HS6ST3: variants seen among roughly 807,000 people sequenced by gnomAD.
HS6ST3 encodes the protein heparan-sulfate 6-O-sulfotransferase 3.
Under a neutral mutation model 36.7 loss-of-function variants are expected in HS6ST3, and 12 were observed. The ratio of observed to expected loss-of-function variants is 0.33; its 90% confidence interval spans 0.21 to 0.53. The LOEUF (loss-of-function observed/expected upper bound fraction) is 0.53. Among genes scored for constraint, HS6ST3 ranks in the 20% least tolerant of loss-of-function variants. The pLI is 0.95. For missense variants in HS6ST3, 584 were observed against 640.9 expected (o/e 0.91, Z 0.96); for synonymous variants, 240 against 257.5 (o/e 0.93, Z 0.65).
chr13:96,479,499 G>T (rs190117108), intron 1 of HS6ST3, among the ~76,000 whole-genome samples: 83 of 152,322 alleles, frequency 5.4e-4, no homozygotes, highest in African/African-American at 1.9e-3. Flanking sequence ...GATGACTCTG[G>T]CTGTACAGGA....
At chr13:96,383,939 A>G (rs1186589678) in intron 1 of HS6ST3, among the ~76,000 whole-genome samples, 2 of 152,194 alleles carry the variant, frequency 1.3e-5, no homozygotes, top group Non-Finnish European at 2.9e-5. Flanking sequence ...TCCATCCTCC[A>G]GAGAAGCCTG....
At chr13:96,487,622 A>G (rs372279962) in intron 1 of HS6ST3, among the ~76,000 whole-genome samples, 110 of 152,238 alleles carry the variant, frequency 7.2e-4, no homozygotes, top group African/African-American at 2.6e-3. Context: ...CATGGAGAAT[A>G]TTATACATAC....
intron 1 of HS6ST3, among the ~76,000 whole-genome samples, chr13:96,537,249 G>T (rs1159497939): frequency 6.6e-6 from 1 of 152,160 alleles, no homozygotes; most frequent in African/African-American, 2.4e-5. Context: ...AAAACCATCA[G>T]ATCTTGTGAG....
chr13:96,601,636 C>A (rs1248013142), intron 1 of HS6ST3, among the ~76,000 whole-genome samples: 1 of 152,112 alleles, frequency 6.6e-6, no homozygotes, highest in Non-Finnish European at 1.5e-5. Flanking sequence ...TGATTTGAAT[C>A]TACTGCTGGA....
chr13:96,427,468 T>C (rs2055592940), intron 1 of HS6ST3, among the ~76,000 whole-genome samples: 1 of 152,136 alleles, frequency 6.6e-6, no homozygotes, highest in Non-Finnish European at 1.5e-5. Context: ...GGTGGTGTTT[T>C]ATTAGTTCAT....
chr13:96,120,648 T>G (rs2053920861), intron 1 of HS6ST3, among the ~76,000 whole-genome samples: 1 of 152,200 alleles, frequency 6.6e-6, no homozygotes, highest in African/African-American at 2.4e-5. Context: ...TCTATGAATT[T>G]TTTTTGAAGA....
intron 1 of HS6ST3, among the ~76,000 whole-genome samples, chr13:96,253,590 A>G (rs1228940437): frequency 6.6e-6 from 1 of 152,088 alleles, no homozygotes; most frequent in Non-Finnish European, 1.5e-5. Context: ...TTCTCTGGAG[A>G]GATGAGAGCT....
chr13:96,430,562 C>T (rs1380434713), intron 1 of HS6ST3, among the ~76,000 whole-genome samples: 1 of 152,172 alleles, frequency 6.6e-6, no homozygotes, highest in Non-Finnish European at 1.5e-5. Flanking sequence ...AAGTTGGCCC[C>T]TGGGTTCCTG....
At chr13:96,597,981 G>A (rs1010392657) in intron 1 of HS6ST3, among the ~76,000 whole-genome samples, 5 of 151,972 alleles carry the variant, frequency 3.3e-5, no homozygotes, top group Middle Eastern at 3.4e-3. Flanking sequence ...TTAGTTTATT[G>A]TACATATTTA....
At chr13:96,515,504 C>A (rs2138923104) in intron 1 of HS6ST3, among the ~76,000 whole-genome samples, 1 of 152,308 alleles carries the variant, frequency 6.6e-6, no homozygotes, top group Admixed American at 6.5e-5. Flanking sequence ...AGCCTTTTCC[C>A]TGATCTGCCT....
intron 1 of HS6ST3, among the ~76,000 whole-genome samples, chr13:96,437,104 C>T (rs907623504): frequency 6.6e-6 from 1 of 152,132 alleles, no homozygotes; most frequent in South Asian, 2.1e-4. Flanking sequence ...CACAAGTCAC[C>T]ATGTGGTCTG....
intron 1 of HS6ST3, among the ~76,000 whole-genome samples, chr13:96,742,132 C>T (rs970513360): frequency 6.6e-6 from 1 of 152,044 alleles, no homozygotes; most frequent in African/African-American, 2.4e-5. Context: ...ATGAATCCTA[C>T]ATAATATAAG....
chr13:96,729,011 A>T (rs1442109375), intron 1 of HS6ST3, among the ~76,000 whole-genome samples: 1 of 152,234 alleles, frequency 6.6e-6, no homozygotes, highest in African/African-American at 2.4e-5. Flanking sequence ...GCCTCATGTA[A>T]GAATGCATAG....
intron 1 of HS6ST3, among the ~76,000 whole-genome samples, chr13:96,108,797 T>G (rs2139298924): frequency 6.6e-6 from 1 of 152,040 alleles, no homozygotes; most frequent in Admixed American, 6.5e-5. Flanking sequence ...CCACAGGAAG[T>G]TAAAGAAAGC....
In HS6ST3 at chr13:96,340,642, G is replaced by T. The variant is rs561999363; in HGVS notation, c.707+249073G>T. On this transcript the variant is annotated intron_variant, in intron 1 of 1. Transcript: ENST00000376705. ...GGACCTGCTCAGGTTTCCCAAGCAT[G>T]CCACCAGCACTTCTCCCTGGGTGTC... Among the ~76,000 whole-genome samples the T allele has an allele frequency of 8.4e-4, 128 of 152,338 alleles. 1 individual carries two copies. The highest frequency in any genetic ancestry group is 3.4e-3 in the Middle Eastern group (1 of 294).
Position 96,112,580 on chromosome 13 carries a change from T to TATACATAC in HS6ST3, c.707+21014_707+21015insCATACATA, listed in dbSNP as rs1348391365. Among the ~76,000 whole-genome samples the TATACATAC allele has an allele frequency of 1.2e-4, 4 of 33,760 alleles. 1 individual carries two copies. The highest frequency in any genetic ancestry group is 1.8e-3 in the East Asian group (2 of 1,086). 22.1% of individuals were successfully genotyped at this position (33,760 alleles called of 152,430 possible). On this transcript the variant is annotated intron_variant, in intron 1 of 1. Coordinates refer to ENST00000376705, the MANE Select transcript of HS6ST3 (RefSeq NM_153456.4). ...AAACCCCATCTCTAAAATAAATAAA[T>TATACATAC]ATATATATATATATATATATATATA...
At chr13:96,437,941 T>G (rs538830400) in intron 1 of HS6ST3, among the ~76,000 whole-genome samples, 17 of 152,300 alleles carry the variant, frequency 1.1e-4, no homozygotes, top group African/African-American at 3.8e-4. Flanking sequence ...ATAAATTCCT[T>G]TGACAGTCAG....
At chr13:96,667,676 A>G (rs533802070) in intron 1 of HS6ST3, among the ~76,000 whole-genome samples, 3 of 152,364 alleles carry the variant, frequency 2.0e-5, no homozygotes, top group Non-Finnish European at 2.9e-5. Flanking sequence ...GCAATGTTAC[A>G]TATAAAAAAT....
chr13:96,493,780 G>A (rs1432431536), intron 1 of HS6ST3, among the ~76,000 whole-genome samples: 1 of 152,110 alleles, frequency 6.6e-6, no homozygotes, highest in East Asian at 1.9e-4. Flanking sequence ...ACACATGCTG[G>A]AGATCAGAGT....
Sources: gnomAD v4.1 joint callset for allele counts (sites outside exome capture counted in the v4.1 genomes callset) on GRCh38, gnomAD v4.1.1 for gene constraint, MANE v1.5 for transcripts, NCBI Gene and HGNC (gene_info 2026-07-23, HGNC 2026-07-21) for gene names.